The following SORCS1 variants were observed in gnomAD, a reference collection of about 807,000 sequenced individuals.
SORCS1 encodes the protein VPS10 domain-containing receptor SorCS1.
SORCS1 carries 60 observed loss-of-function variants against 146.1 expected under a neutral mutation model. That is an observed-to-expected ratio of 0.41 (90% CI 0.33 to 0.51). The LOEUF is 0.51. SORCS1 is among the 20% of genes least tolerant of loss of function. The probability of loss-of-function intolerance (pLI) is 0.21; values close to 1 mark genes in which losing one functional copy is unlikely to be tolerated. For synonymous variants in SORCS1, 637 were observed against 584.0 expected (o/e 1.09, Z -1.31); for missense variants, 1,352 against 1,487.6 (o/e 0.91, Z 1.50).
intron 3 of SORCS1, among the ~76,000 whole-genome samples, chr10:106,785,669 C>T (rs1946024010): frequency 1.3e-5 from 2 of 152,146 alleles, no homozygotes; most frequent in Non-Finnish European, 2.9e-5. Flanking sequence ...CCACGTGAGA[C>T]CTTGCTAATG....
chr10:106,736,430 G>C (rs1265368378), intron 5 of SORCS1, among the ~76,000 whole-genome samples: 2 of 152,194 alleles, frequency 1.3e-5, no homozygotes, highest in East Asian at 3.9e-4. Flanking sequence ...TGTTCCCACA[G>C]CCCCTCTTCA....
intron 3 of SORCS1, among the ~76,000 whole-genome samples, chr10:106,805,743 A>T (rs1947129183): frequency 6.6e-6 from 1 of 152,140 alleles, no homozygotes. Flanking sequence ...TATAAATCAT[A>T]ATGATGCAAA....
At chr10:106,659,455 C>G (rs1341284155) in intron 17 of SORCS1, among the ~76,000 whole-genome samples, 2 of 152,124 alleles carry the variant, frequency 1.3e-5, no homozygotes, top group Non-Finnish European at 2.9e-5. Context: ...ACTATCTGAG[C>G]CTACCAGTTG....
chr10:106,934,772 G>A (rs1233083163), intron 2 of SORCS1, among the ~76,000 whole-genome samples: 3 of 152,150 alleles, frequency 2.0e-5, no homozygotes, highest in Admixed American at 6.5e-5. Flanking sequence ...CAACTTGGAT[G>A]TTGCTGGAAG....
At chr10:107,156,568 T>G (rs1969297413) in intron 1 of SORCS1, among the ~76,000 whole-genome samples, 1 of 152,236 alleles carries the variant, frequency 6.6e-6, no homozygotes, top group Non-Finnish European at 1.5e-5. Flanking sequence ...AACTTTCCTT[T>G]GCTCTCTTCT....
chr10:106,740,102 A>G (rs1857262527), intron 5 of SORCS1, among the ~76,000 whole-genome samples: 1 of 152,146 alleles, frequency 6.6e-6, no homozygotes, highest in African/African-American at 2.4e-5. Flanking sequence ...GAAATTAGGC[A>G]CCCCCAATAC....
intron 1 of SORCS1, among the ~76,000 whole-genome samples, chr10:107,003,591 C>T (rs1355106640): frequency 1.3e-5 from 2 of 151,998 alleles, no homozygotes; most frequent in Admixed American, 6.6e-5. Context: ...TATTTCAGAT[C>T]TAAAAATCTA....
rs1347224211 is a variant in SORCS1 at position 106,574,163 on chromosome 10, A to G, written c.*3257T>C. 1 of 152,574 alleles carries G rather than the reference A, an allele frequency of 6.6e-6. No individual in the cohort carries two copies. Among genetic ancestry groups the G allele is most frequent in the Non-Finnish European group, 1.5e-5 (1 of 68,032 alleles). 9.5% of individuals were successfully genotyped at this position (152,574 alleles called of 1,614,324 possible). On this transcript the variant is annotated 3_prime_UTR_variant, in exon 26 of 26. Transcript: ENST00000263054. ...GCTGCCAAGCACCCCACTGCTCTCA[A>G]AGTTGCTGTTTGGAACTTCTGAAAA...
At chr10:106,741,622 TAG>T (rs796180878) in intron 5 of SORCS1, among the ~76,000 whole-genome samples, 3 of 150,552 alleles carry the variant, frequency 2.0e-5, no homozygotes, top group South Asian at 2.1e-4. Context: ...TAATTATATA[TAG>T]AGAGAGAGAG....
intron 3 of SORCS1, among the ~76,000 whole-genome samples, chr10:106,825,698 C>T (rs560975995): frequency 2.0e-5 from 3 of 152,126 alleles, no homozygotes; most frequent in Non-Finnish European, 4.4e-5. Flanking sequence ...ACCAATAAAC[C>T]TCTGCTGACA....
At chr10:107,036,399 A>G (rs1324124069) in intron 1 of SORCS1, among the ~76,000 whole-genome samples, 1 of 152,146 alleles carries the variant, frequency 6.6e-6, no homozygotes, top group African/African-American at 2.4e-5. Flanking sequence ...TCTCTCATGG[A>G]TACTGAGGGA....
intron 2 of SORCS1, among the ~76,000 whole-genome samples, chr10:106,917,494 C>T (rs999114119): frequency 1.3e-5 from 2 of 152,072 alleles, no homozygotes; most frequent in Admixed American, 6.6e-5. Flanking sequence ...GGTACTAAAC[C>T]CACAGTTAGA....
chr10:106,815,028 C>T (rs1335800435), intron 3 of SORCS1, among the ~76,000 whole-genome samples: 2 of 151,460 alleles, frequency 1.3e-5, no homozygotes, highest in South Asian at 4.2e-4. Flanking sequence ...GGCATGACTT[C>T]GGCTCCCTGC....
intron 6 of SORCS1, among the ~76,000 whole-genome samples, chr10:106,721,826 G>T (rs916346434): frequency 2.0e-5 from 3 of 152,154 alleles, no homozygotes; most frequent in East Asian, 1.9e-4. Flanking sequence ...GTATATATTC[G>T]CATTGTTTGA....
intron 2 of SORCS1, among the ~76,000 whole-genome samples, chr10:106,954,635 G>A (rs569699108): frequency 2.0e-5 from 3 of 152,184 alleles, no homozygotes; most frequent in African/African-American, 7.2e-5. Context: ...AAATGAATAG[G>A]TACAAATCCC....
chr10:106,750,836 G>A (rs1858139643), intron 5 of SORCS1, among the ~76,000 whole-genome samples: 1 of 148,436 alleles, frequency 6.7e-6, no homozygotes, highest in Non-Finnish European at 1.5e-5. Context: ...GAGGCGGGCG[G>A]ATCACGAGGT....
intron 1 of SORCS1, among the ~76,000 whole-genome samples, chr10:107,147,198 C>T (rs529089789): frequency 6.6e-6 from 1 of 152,296 alleles, no homozygotes; most frequent in South Asian, 2.1e-4. Flanking sequence ...AGTCCATTAT[C>T]ACAAATGCAA....
chr10:107,063,118 A>C (rs1961391393), intron 1 of SORCS1, among the ~76,000 whole-genome samples: 1 of 152,196 alleles, frequency 6.6e-6, no homozygotes. Context: ...ATTCCTACAT[A>C]CATGCTTATG....
intron 2 of SORCS1, among the ~76,000 whole-genome samples, chr10:106,901,392 C>A (rs1209873407): frequency 6.6e-6 from 1 of 152,114 alleles, no homozygotes; most frequent in Non-Finnish European, 1.5e-5. Context: ...GAAAACACAT[C>A]AAGGTGTTCA....
Sources: gnomAD v4.1 joint callset for allele counts (sites outside exome capture counted in the v4.1 genomes callset) on GRCh38, gnomAD v4.1.1 for gene constraint, MANE v1.5 for transcripts, NCBI Gene and HGNC (gene_info 2026-07-23, HGNC 2026-07-21) for gene names.